The following VPS53 variants were observed in gnomAD, a reference collection of about 807,000 sequenced individuals.
VPS53 encodes the protein vacuolar protein sorting-associated protein 53 homolog.
A neutral mutation model predicts 107.0 loss-of-function variants in VPS53; 70 were observed. The observed-to-expected ratio is 0.65, with a 90% CI of 0.54 to 0.80. The LOEUF is 0.80. VPS53 is among the 30% of genes least tolerant of loss of function. VPS53 has a pLI of 0.00. For missense variants in VPS53, 917 were observed against 1,049.4 expected (o/e 0.87, Z 1.74); for synonymous variants, 409 against 393.3 (o/e 1.04, Z -0.47).
At chr17:581,223 T>C (rs1205841166) in intron 13 of VPS53, among the ~76,000 whole-genome samples, 1 of 150,308 alleles carries the variant, frequency 6.7e-6, no homozygotes, top group Non-Finnish European at 1.5e-5. Context: ...ACTCAGGACC[T>C]GATGCGTTCC....
chr17:538,216 T>G (rs1363338334), intron 17 of VPS53: 1 of 152,272 alleles, frequency 6.6e-6, no homozygotes, highest in Non-Finnish European at 1.5e-5. Context: ...AGGAGATGGG[T>G]GCAGCACCAG....
intron 11 of VPS53, among the ~76,000 whole-genome samples, chr17:612,595 TCA>T (rs1968941737): frequency 6.7e-6 from 1 of 150,190 alleles, no homozygotes; most frequent in Non-Finnish European, 1.5e-5. Flanking sequence ...AATAGTGAAT[TCA>T]CACAGTGAAA....
intron 19 of VPS53, among the ~76,000 whole-genome samples, chr17:526,280 C>T (rs1322450283): frequency 6.6e-6 from 1 of 152,112 alleles, no homozygotes; most frequent in Admixed American, 6.6e-5. Context: ...TCCTACTTTT[C>T]TACTTCCCAG....
intron 11 of VPS53, among the ~76,000 whole-genome samples, chr17:608,711 A>C (rs1968701729): frequency 1.3e-5 from 2 of 150,788 alleles, no homozygotes; most frequent in Admixed American, 1.3e-4. Flanking sequence ...GAACTCCTGG[A>C]CTTAGGTGAC....
At chr17:654,743 A>AG (rs1253673632) in intron 6 of VPS53, among the ~76,000 whole-genome samples, 7 of 146,730 alleles carry the variant, frequency 4.8e-5, no homozygotes, top group African/African-American at 1.5e-4. Context: ...ACTCAAAAAA[A>AG]AAAAAAAAAA....
rs1336865495 is a variant in VPS53, at chr17:524,312, G to C, written c.2086-2574C>G. 6.6e-6 allele frequency among the ~76,000 whole-genome samples: 1 copy of C among 152,008 alleles called. No individual in the cohort carries two copies. The highest frequency in any genetic ancestry group is 1.5e-5 in the Non-Finnish European group (1 of 68,008). On this transcript the variant is annotated intron_variant, in intron 19 of 21. Transcript: ENST00000437048. The surrounding 1 kb of genome is among the most constrained non-coding windows in gnomAD (Gnocchi z 4.5). ...AAAAATAAAAAATAAAAAAGAAGAA[G>C]AAGAAGAAAATACAGAGATTATTTT... is the stretch of plus-strand genomic sequence containing the variant.
chr17:617,258 T>G (rs138928145), intron 11 of VPS53, among the ~76,000 whole-genome samples: 29 of 152,178 alleles, frequency 1.9e-4, no homozygotes, highest in Admixed American at 9.2e-4. Flanking sequence ...GCCACATATA[T>G]CTACGCTTGA....
intron 17 of VPS53, among the ~76,000 whole-genome samples, chr17:542,171 A>G (rs1292431042): frequency 6.6e-6 from 1 of 152,256 alleles, no homozygotes; most frequent in South Asian, 2.1e-4. Context: ...ACATTTTCAC[A>G]TGACCTTGCT....
At chr17:538,269 C>T (rs1033444255) in intron 17 of VPS53, 2 of 152,278 alleles carry the variant, frequency 1.3e-5, no homozygotes, top group African/African-American at 4.8e-5. Context: ...CATTCTAATC[C>T]CGAAGAGTGG....
At chr17:583,402 T>A (rs1459868126) in intron 13 of VPS53, among the ~76,000 whole-genome samples, 1 of 144,302 alleles carries the variant, frequency 6.9e-6, no homozygotes, top group Non-Finnish European at 1.5e-5. Context: ...CCCAGAGAAC[T>A]TCCCCCAGGA....
intron 15 of VPS53, among the ~76,000 whole-genome samples, chr17:555,107 C>T (rs562832966): frequency 1.1e-4 from 16 of 152,372 alleles, no homozygotes; most frequent in African/African-American, 3.1e-4. Flanking sequence ...AACTCTTCAG[C>T]AGCCTCTTCC....
In VPS53 at chr17:512,733, C is replaced by T. The variant is rs1908027120; in HGVS notation, c.*6395G>A. ...GACACAGGACTTCCCGAAGAGTTTT[C>T]ATGGCAAAAACGTCCAACCAGCTAC... On this transcript the variant is annotated 3_prime_UTR_variant, in exon 22 of 22. Transcript: ENST00000437048. The T allele has an allele frequency of 6.6e-6, 1 of 152,198 alleles. No individual in the cohort carries two copies. Among genetic ancestry groups the T allele is most frequent in the Non-Finnish European group, 1.5e-5 (1 of 68,046 alleles). The allele number at this position is 152,198 out of a possible 1,614,324, so 9.4% of individuals were successfully genotyped here.
At chr17:630,628 A>C (rs908925371) in intron 8 of VPS53, among the ~76,000 whole-genome samples, 2 of 152,226 alleles carry the variant, frequency 1.3e-5, no homozygotes, top group African/African-American at 4.8e-5. Flanking sequence ...TGATGGGCAA[A>C]AGCTGGGGCC....
intron 4 of VPS53, among the ~76,000 whole-genome samples, chr17:687,042 T>C (rs1972610747): frequency 6.6e-6 from 1 of 152,110 alleles, no homozygotes; most frequent in South Asian, 2.1e-4. Context: ...CCCAGCACTT[T>C]GAGAGGCCAA....
intron 11 of VPS53, among the ~76,000 whole-genome samples, chr17:620,112 T>G (rs1969406616): frequency 6.6e-6 from 1 of 152,178 alleles, no homozygotes; most frequent in Admixed American, 6.5e-5. Context: ...GAAGTATACA[T>G]ATTTTTGATG....
intron 13 of VPS53, among the ~76,000 whole-genome samples, chr17:574,623 G>T (rs918715631): frequency 2.0e-5 from 3 of 152,046 alleles, no homozygotes; most frequent in Non-Finnish European, 4.4e-5. Context: ...AAATTAGCCA[G>T]GTGTGGTGGT....
chr17:704,217 CTATT>C (rs1437562569), intron 2 of VPS53, among the ~76,000 whole-genome samples: 4 of 152,254 alleles, frequency 2.6e-5, no homozygotes, highest in African/African-American at 9.6e-5. Context: ...AACCTGGCTA[CTATT>C]TAAACCCCAC....
chr17:679,429 G>A (rs746884251), intron 4 of VPS53, among the ~76,000 whole-genome samples: 3 of 151,830 alleles, frequency 2.0e-5, no homozygotes, highest in Non-Finnish European at 4.4e-5. Flanking sequence ...CGGGAGAATC[G>A]CTTGAACCCA....
intron 2 of VPS53, among the ~76,000 whole-genome samples, chr17:702,863 C>A (rs1973259035): frequency 6.6e-6 from 1 of 152,098 alleles, no homozygotes; most frequent in Non-Finnish European, 1.5e-5. Context: ...TTAATCCCCT[C>A]TGCCAGGCGA....
Sources: allele counts gnomAD v4.1 joint callset (sites outside exome capture counted in the v4.1 genomes callset), GRCh38; gene constraint gnomAD v4.1.1; non-coding constraint Gnocchi (gnomAD v3.1); transcripts MANE v1.5; gene names NCBI Gene and HGNC (gene_info 2026-07-23, HGNC 2026-07-21).